TTYH3: variants seen among roughly 807,000 people sequenced by gnomAD.
TTYH3 encodes tweety family member 3.
A neutral mutation model predicts 68.2 loss-of-function variants in TTYH3; 23 were observed. The observed-to-expected ratio is 0.34, with a 90% CI of 0.24 to 0.48. The LOEUF (loss-of-function observed/expected upper bound fraction) is 0.48, where lower values mean the gene tolerates loss of function less well. TTYH3 is among the 20% of genes least tolerant of loss of function. The pLI, the probability that TTYH3 is intolerant of heterozygous loss-of-function variation, is 0.99. For missense variants in TTYH3, 768 were observed against 727.7 expected, an observed-to-expected ratio of 1.06 and a Z score of -0.64; for synonymous variants, 360 against 332.8, an observed-to-expected ratio of 1.08 and a Z score of -0.89.
Position 2,645,608 on chromosome 7 carries a change from G to A in TTYH3, c.124-1245G>A. On this transcript the variant is annotated intron_variant, in intron 1 of 13. Coordinates refer to ENST00000258796, the MANE Select transcript of TTYH3 (RefSeq NM_025250.3). The surrounding 1 kb of genome is among the most constrained non-coding windows in gnomAD (Gnocchi z 4.8). Reference sequence around the variant, plus strand: ...GCCAGACAGGGCTGTGTGTCCGATGGGGCGCCTGTATGCAGCCTGTAGCAG... The same window carrying A: ...GCCAGACAGGGCTGTGTGTCCGATGAGGCGCCTGTATGCAGCCTGTAGCAG... 1 of 358,460 alleles carries A rather than the reference G, an allele frequency of 2.8e-6. No individual in the cohort carries two copies. Among genetic ancestry groups the A allele is most frequent in the Non-Finnish European group, 5.7e-6 (1 of 176,172 alleles). The allele number at this position is 358,460 out of a possible 1,614,324, so 22.2% of individuals were successfully genotyped here.
chr7:2,651,485 C>T (rs931870252), intron 7 of TTYH3, among the ~76,000 whole-genome samples: 1 of 152,206 alleles, frequency 6.6e-6, no homozygotes, highest in Non-Finnish European at 1.5e-5. Context: ...TGTCCTTGGC[C>T]CCGGTGCTAT....
Position 2,649,583 on chromosome 7 carries a change from G to T in TTYH3, c.739G>T (p.Val247Phe). 6.3e-7 allele frequency: 1 copy of T among 1,593,154 alleles called. No homozygotes were observed. Residue 247 changes from valine to phenylalanine, a missense_variant, in exon 6 of 14, where the codon GTC becomes TTC. By Grantham distance (50) the Val-to-Phe change is conservative. Coordinates refer to ENST00000258796, the MANE Select transcript of TTYH3 (RefSeq NM_025250.3). ...GILVGVCLLG[V>F]LALVISWGAL... is the part of the protein sequence containing the mutation. ...CTGCCCCAGGGTCTGCCTGCTGGGAGTCCTGGCCCTGGTCATCAGCTGGGG... is the reference window on the plus strand; with the variant it reads ...CTGCCCCAGGGTCTGCCTGCTGGGATTCCTGGCCCTGGTCATCAGCTGGGG...
intron 1 of TTYH3, among the ~76,000 whole-genome samples, chr7:2,636,981 G>A (rs898068018): frequency 5.9e-5 from 9 of 152,122 alleles, no homozygotes; most frequent in Non-Finnish European, 4.4e-5. Flanking sequence ...AGAAGTCCCC[G>A]AGGTCTTCAC....
At chr7:2,652,068 C>T in intron 7 of TTYH3, 119 bp from the exon 8 acceptor site, 1 of 815,434 alleles carries the variant, frequency 1.2e-6, no homozygotes, top group South Asian at 1.4e-5. Flanking sequence ...GACACACATG[C>T]ACACATGTAA....
At chr7:2,651,584 G>T (rs1277053550) in intron 7 of TTYH3, among the ~76,000 whole-genome samples, 3 of 152,210 alleles carry the variant, frequency 2.0e-5, no homozygotes, top group Admixed American at 6.5e-5. Flanking sequence ...ACGTGTACAT[G>T]TACACACGTA....
intron 1 of TTYH3, among the ~76,000 whole-genome samples, chr7:2,636,558 C>A (rs151273475): frequency 1.3e-5 from 2 of 152,180 alleles, no homozygotes; most frequent in Non-Finnish European, 2.9e-5. Flanking sequence ...CGGAGGCCCC[C>A]GGGGAGCTGG....
rs75618144 is a variant in TTYH3, at chr7:2,656,316, G to A, written c.1114-82G>A. 3.1e-3 allele frequency: 4,937 copies of A among 1,571,382 alleles called. 139 individuals carry two copies. The African/African-American group carries it at 0.057, about 18-fold the overall frequency. On this transcript the variant is annotated intron_variant, in intron 10 of 13. Coordinates refer to ENST00000258796, the MANE Select transcript of TTYH3 (RefSeq NM_025250.3). ...CTGCCTCTGGGGGGCGGTCCAGGCC[G>A]CCGTGGCTGGGCTGAAGGTCTCACG... is the stretch of plus-strand genomic sequence containing the variant.
At chr7:2,647,709 C>T in intron 4 of TTYH3, 71 bp downstream of exon 4, 1 of 1,473,614 alleles carries the variant, frequency 6.8e-7, no homozygotes, top group South Asian at 1.3e-5. Flanking sequence ...AATTTTTGCT[C>T]TCAGCACCTA....
rs374465737 is a variant in TTYH3 at position 2,658,969 on chromosome 7, G to A, written c.1454G>A (p.Arg485His). ...CAGAACGCTAATTTCCAGAACCCCC[G>A]CTGTGAGAACACCCCACTCATTGGG... ...MSQNANFQNP[R>H]CENTPLIGRE... Residue 485 changes from arginine to histidine, a missense_variant, in exon 13 of 14, where the codon CGC becomes CAC. Transcript: ENST00000258796. 9 of 1,613,950 alleles carry A rather than the reference G, an allele frequency of 5.6e-6. No homozygotes were observed. The highest frequency in any genetic ancestry group is 2.7e-5 in the African/African-American group (2 of 74,934).
chr7:2,633,356 G>T (rs1171675658), intron 1 of TTYH3, among the ~76,000 whole-genome samples: 1 of 152,172 alleles, frequency 6.6e-6, no homozygotes, highest in Non-Finnish European at 1.5e-5. Flanking sequence ...GTGGCCTCCC[G>T]CATCCAGAGG....
In TTYH3 at chr7:2,638,379, G is replaced by C. The variant is rs1378755771; in HGVS notation, c.123+6101G>C. On this transcript the variant is annotated intron_variant, in intron 1 of 13. Transcript: ENST00000258796. Reference sequence around the variant, plus strand: ...AGGGGGAGGGCGGGCGTGGGCAGCGGGAGAGCTGGGGTCCCCCGGCTACAG... The same window carrying C: ...AGGGGGAGGGCGGGCGTGGGCAGCGCGAGAGCTGGGGTCCCCCGGCTACAG... Among the ~76,000 whole-genome samples the C allele has an allele frequency of 2.6e-5, 4 of 152,144 alleles. No individual in the cohort carries two copies. In the East Asian group the frequency reaches 5.8e-4, roughly 22 times the overall value.
intron 1 of TTYH3, among the ~76,000 whole-genome samples, chr7:2,634,922 G>A (rs1386391623): frequency 6.6e-6 from 1 of 152,144 alleles, no homozygotes; most frequent in African/African-American, 2.4e-5. Context: ...ATTCCCCCAC[G>A]GCTGCCTTGC....
chr7:2,650,098 CAGGG>C, intron 7 of TTYH3, 110 bp downstream of exon 7: 1 of 1,081,172 alleles, frequency 9.2e-7, no homozygotes. Flanking sequence ...TCCATGGTCT[CAGGG>C]AGACAGGTCC....
chr7:2,657,851 G>A (rs969819458), intron 11 of TTYH3, among the ~76,000 whole-genome samples: 3 of 152,244 alleles, frequency 2.0e-5, no homozygotes, highest in African/African-American at 4.8e-5. Flanking sequence ...CGCGCAGAGT[G>A]GAAGACAGAA....
chr7:2,649,651 AG>A lies in TTYH3; in HGVS notation c.795+17del. On this transcript the variant is annotated intron_variant, in intron 6 of 13. Transcript: ENST00000258796. ...TGGCTGTGTCCGTGGTGAGTGGCAG[AG>A]GGGGTGAGGTCCCCGGCTGCTGGAC... is the stretch of plus-strand genomic sequence containing the variant. 1 of 1,593,908 alleles carries A rather than the reference AG, an allele frequency of 6.3e-7. No individual in the cohort carries two copies. Among genetic ancestry groups the A allele is most frequent in the East Asian group, 2.2e-5 (1 of 44,448 alleles).
chr7:2,659,384 G>A (rs1043151521), intron 13 of TTYH3, among the ~76,000 whole-genome samples: 23 of 152,288 alleles, frequency 1.5e-4, no homozygotes, highest in African/African-American at 5.5e-4. Context: ...TTGTAGGCAC[G>A]GCCCTGCACC....
rs549429012 is a variant in TTYH3 at position 2,639,474 on chromosome 7, C to T, written c.123+7196C>T. 1.3e-3 allele frequency among the ~76,000 whole-genome samples: 194 copies of T among 152,352 alleles called. 5 individuals are homozygous for T. The South Asian group carries it at 0.034, about 27-fold the overall frequency. The stretch of plus-strand genomic sequence containing the variant: ...CTGCCTCCCACAGCCTCCGAGCTCA[C>T]GGGGCCAGCACTGTGGGCACAGGGG... On this transcript the variant is annotated intron_variant, in intron 1 of 13. Coordinates refer to ENST00000258796, the MANE Select transcript of TTYH3 (RefSeq NM_025250.3).
At chr7:2,659,605 G>A (rs868483635) in intron 13 of TTYH3, among the ~76,000 whole-genome samples, 3 of 152,200 alleles carry the variant, frequency 2.0e-5, no homozygotes, top group African/African-American at 7.2e-5. Flanking sequence ...ACAGGGTGCC[G>A]AAGAGAAGGA....
rs1410698803 is a variant in TTYH3, at chr7:2,635,999, G to A, written c.123+3721G>A. Among the ~76,000 whole-genome samples the A allele has an allele frequency of 2.0e-5, 3 of 152,366 alleles. No homozygotes were observed. The South Asian group carries it at 6.2e-4, about 32-fold the overall frequency. Reference sequence around the variant, plus strand: ...TGGTCTGACTGCGCACGGGGAATGTGCTGCCTCAGGAACTGGTGAGCCCTC... The same window carrying A: ...TGGTCTGACTGCGCACGGGGAATGTACTGCCTCAGGAACTGGTGAGCCCTC... On this transcript the variant is annotated intron_variant, in intron 1 of 13. Transcript: ENST00000258796.
Sources: gnomAD v4.1 joint callset for allele counts (sites outside exome capture counted in the v4.1 genomes callset) on GRCh38, gnomAD v4.1.1 for gene constraint, Gnocchi (gnomAD v3.1) non-coding constraint, MANE v1.5 for transcripts, NCBI Gene and HGNC (gene_info 2026-07-23, HGNC 2026-07-21) for gene names.